The following CEP97 variants were observed in gnomAD, a reference collection of about 807,000 sequenced individuals.
The protein encoded by CEP97 is centrosomal protein 97.
Under a neutral mutation model 73.1 loss-of-function variants are expected in CEP97, and 43 were observed. That is an observed-to-expected ratio of 0.59 (90% CI 0.46 to 0.76). The LOEUF (loss-of-function observed/expected upper bound fraction) is 0.76, where lower values mean the gene tolerates loss of function less well. Ranked by LOEUF, CEP97 falls within the 30% of genes least tolerant of loss-of-function variation. CEP97 has a pLI of 0.00. For synonymous variants in CEP97, 337 were observed against 370.0 expected (o/e 0.91, Z 1.02); for missense variants, 939 against 1,014.0 (o/e 0.93, Z 1.00).
At position 101,767,806 on chromosome 3, in the gene CEP97, C is replaced by T. The variant is rs1329796468; in HGVS notation, c.*2255C>T. Reference sequence around the variant, plus strand: ...GTGCAAGAATATTAAATAGCCCCTTCCTTAACTGTACATATTATCTTGAAT... The same window carrying T: ...GTGCAAGAATATTAAATAGCCCCTTTCTTAACTGTACATATTATCTTGAAT... On this transcript the variant is annotated 3_prime_UTR_variant, in exon 11 of 11. Coordinates refer to ENST00000341893, the MANE Select transcript of CEP97 (RefSeq NM_024548.4). The T allele has an allele frequency of 6.6e-6, 1 of 152,136 alleles. No individual in the cohort carries two copies. The highest frequency in any genetic ancestry group is 1.5e-5 in the Non-Finnish European group (1 of 68,028). The allele number at this position is 152,136 out of a possible 1,614,324, so 9.4% of individuals were successfully genotyped here.
rs1011815341 is a variant in CEP97, at chr3:101,766,167, A to G, written c.*616A>G. On this transcript the variant is annotated 3_prime_UTR_variant, in exon 11 of 11. Transcript: ENST00000341893. ...GGATGATTAAATTGTCTCATGGAAA[A>G]CTTCAGTTAATGTCATGCATCAGTT... 6.6e-6 allele frequency: 1 copy of G among 152,214 alleles called. No homozygotes were observed. The highest frequency in any genetic ancestry group is 6.5e-5 in the Admixed American group (1 of 15,284). 9.4% of individuals were successfully genotyped at this position (152,214 alleles called of 1,614,324 possible).
chr3:101,729,396 G>A (rs1938021099), intron 4 of CEP97, among the ~76,000 whole-genome samples: 1 of 151,654 alleles, frequency 6.6e-6, no homozygotes, highest in Non-Finnish European at 1.5e-5. Flanking sequence ...ACTTTTTGTT[G>A]TTAGTTATAT....
intron 3 of CEP97, among the ~76,000 whole-genome samples, chr3:101,728,062 G>A (rs1937957908): frequency 6.6e-6 from 1 of 152,090 alleles, no homozygotes; most frequent in African/African-American, 2.4e-5. Context: ...CAATCTCATG[G>A]TAGCCTGCGA....
At position 101,767,706 on chromosome 3, in the gene CEP97, A is replaced by G. The variant is rs1939352703; in HGVS notation, c.*2155A>G. 1 of 152,226 alleles carries G rather than the reference A, an allele frequency of 6.6e-6. No individual in the cohort carries two copies. Among genetic ancestry groups the G allele is most frequent in the Admixed American group, 6.5e-5 (1 of 15,274 alleles). The allele number at this position is 152,226 out of a possible 1,614,324, so 9.4% of individuals were successfully genotyped here. A position where few individuals can be genotyped will look rare whatever the true frequency, so the allele number is the denominator to read the frequency against. The stretch of plus-strand genomic sequence containing the variant: ...AGTACTCAGCATACTTTCATTAAAA[A>G]TTTGGCACAATATGATAATTGTTAA... On this transcript the variant is annotated 3_prime_UTR_variant, in exon 11 of 11. Coordinates refer to ENST00000341893, the MANE Select transcript of CEP97 (RefSeq NM_024548.4).
intron 6 of CEP97, among the ~76,000 whole-genome samples, chr3:101,752,682 G>T (rs978175542): frequency 6.6e-6 from 1 of 151,956 alleles, no homozygotes; most frequent in Admixed American, 6.6e-5. Context: ...CCAGTTGATC[G>T]CATCGGCTCC....
At position 101,766,804 on chromosome 3, in the gene CEP97, A is replaced by G. The variant is rs1162862280; in HGVS notation, c.*1253A>G. ...CTATTTAAAACTATGGCAATACTTA[A>G]GCATCTCTAAATTTAGGTGCTAAAT... On this transcript the variant is annotated 3_prime_UTR_variant, in exon 11 of 11. Transcript: ENST00000341893. 1 of 152,232 alleles carries G rather than the reference A, an allele frequency of 6.6e-6. No homozygotes were observed. The highest frequency in any genetic ancestry group is 2.4e-5 in the African/African-American group (1 of 41,460). 9.4% of individuals were successfully genotyped at this position (152,232 alleles called of 1,614,324 possible).
chr3:101,756,921 G>A (rs1422593587), intron 7 of CEP97, 142 bp from the exon 8 acceptor site: 23 of 711,332 alleles, frequency 3.2e-5, no homozygotes, highest in Middle Eastern at 3.5e-4. Flanking sequence ...TTTCAAATGA[G>A]GATTTATAAT....
Position 101,724,657 on chromosome 3 carries a change from A to G in CEP97, c.-20A>G. On this transcript the variant is annotated 5_prime_UTR_variant, in exon 1 of 11. Transcript: ENST00000341893. ...AGCCGCGGGAGGACGGTTGCCTGGT[A>G]TTATTAGCAAGCAGCAAATATGGCG... 2 of 1,614,120 alleles carry G rather than the reference A, an allele frequency of 1.2e-6. No individual in the cohort carries two copies. Among genetic ancestry groups the G allele is most frequent in the Non-Finnish European group, 1.7e-6 (2 of 1,179,954 alleles).
At chr3:101,756,699 GTTTC>G (rs1939015127) in intron 7 of CEP97, among the ~76,000 whole-genome samples, 1 of 152,092 alleles carries the variant, frequency 6.6e-6, no homozygotes, top group Non-Finnish European at 1.5e-5. Context: ...TAATGTAGGT[GTTTC>G]TTGTGGGTTT....
intron 1 of CEP97, among the ~76,000 whole-genome samples, chr3:101,725,991 A>T (rs1667535136): frequency 6.6e-6 from 1 of 152,144 alleles, no homozygotes; most frequent in South Asian, 2.1e-4. Flanking sequence ...AATTTGCCTA[A>T]TATACCACAA....
chr3:101,749,799 A>G (rs1162299421), intron 6 of CEP97, among the ~76,000 whole-genome samples: 5 of 139,434 alleles, frequency 3.6e-5, no homozygotes, highest in Non-Finnish European at 6.2e-5. Context: ...TCTTCTTTTG[A>G]GAAGTGTCTG....
At chr3:101,727,294 G>T in intron 2 of CEP97, 89 bp from the exon 3 acceptor site, 3 of 1,044,356 alleles carry the variant, frequency 2.9e-6, no homozygotes, top group Non-Finnish European at 4.2e-6. Context: ...AGAGTGTTTG[G>T]CTGTCTAAAT....
chr3:101,742,383 C>T (rs1279483324), intron 6 of CEP97, among the ~76,000 whole-genome samples: 12 of 152,168 alleles, frequency 7.9e-5, no homozygotes, highest in Admixed American at 7.9e-4. Context: ...GGCACATATA[C>T]ACCATGGAAT....
At chr3:101,758,652 G>A (rs895228055) in intron 9 of CEP97, 3 of 526,586 alleles carry the variant, frequency 5.7e-6, no homozygotes, top group African/African-American at 3.8e-5. Flanking sequence ...TAGATGCAGT[G>A]TAGTAATAAA....
In CEP97 at chr3:101,765,438, C is replaced by T; in HGVS notation, c.2485C>T (p.Gln829Ter). 1 of 1,614,014 alleles carries T rather than the reference C, an allele frequency of 6.2e-7. No individual in the cohort carries two copies. Among genetic ancestry groups the T allele is most frequent in the East Asian group, 2.2e-5 (1 of 44,874 alleles). The stretch of plus-strand genomic sequence containing the variant: ...GAGTCATGGCATATCTCCTCCTTTG[C>T]AAGGTGAAATTAGCCAGACACAAGA... ...DESHGISPPL[Q>*]GEISQTQENS... Residue 829 changes from glutamine to a stop codon, truncating the protein, a stop_gained, in exon 11 of 11, where the codon CAA becomes TAA. Coordinates refer to ENST00000341893, the MANE Select transcript of CEP97 (RefSeq NM_024548.4). LOFTEE classifies it high-confidence loss of function.
In CEP97 at chr3:101,756,012, T is replaced by G. The variant is rs949322971; in HGVS notation, c.893+418T>G. ...CCTCCTAAAGTGCTAGGATAATAGGTATGAGCTACTACACCAGGAAACGGG... is the reference window on the plus strand; with the variant it reads ...CCTCCTAAAGTGCTAGGATAATAGGGATGAGCTACTACACCAGGAAACGGG... On this transcript the variant is annotated intron_variant, in intron 7 of 10. Coordinates refer to ENST00000341893, the MANE Select transcript of CEP97 (RefSeq NM_024548.4). 3.3e-5 allele frequency among the ~76,000 whole-genome samples: 5 copies of G among 151,880 alleles called. No homozygotes were observed. The South Asian group carries it at 6.2e-4, about 19-fold the overall frequency.
chr3:101,733,274 T>TA (rs1938170398), intron 6 of CEP97, among the ~76,000 whole-genome samples: 1 of 152,232 alleles, frequency 6.6e-6, no homozygotes, highest in African/African-American at 2.4e-5. Context: ...TTATAGATCC[T>TA]GTGTAGGATC....
Position 101,758,330 on chromosome 3 carries a change from G to A in CEP97, c.1724G>A (p.Arg575Lys). The A allele has an allele frequency of 6.2e-7, 1 of 1,614,206 alleles. No homozygotes were observed. The highest frequency in any genetic ancestry group is 8.5e-7 in the Non-Finnish European group (1 of 1,180,052). The part of the protein sequence containing the change: ...LQACWRGFYA[R>K]NYNPQAKDVR... Reference sequence around the variant, plus strand: ...GCCTGTTGGCGGGGATTTTATGCCAGGAACTACAACCCTCAAGCCAAAGAT... The same window carrying A: ...GCCTGTTGGCGGGGATTTTATGCCAAGAACTACAACCCTCAAGCCAAAGAT... The change falls in exon 9 of 11, where the codon AGG becomes AAG. Residue 575 changes from arginine to lysine, a missense_variant. By Grantham distance (26) the Arg-to-Lys change is conservative (BLOSUM62 2). Coordinates refer to ENST00000341893, the MANE Select transcript of CEP97 (RefSeq NM_024548.4).
Position 101,757,111 on chromosome 3 carries a change from T to C in CEP97, c.942T>C (p.Ser314=). ...ACCAAAGCCAAAATGAAGAGTTGTC[T>C]CCTCTTGTTCCTGTTGAAACAAGGG... ...LMNQSQNEEL[S]PLVPVETRAS... The change falls in exon 8 of 11, where the codon TCT becomes TCC. Residue 314 remains serine, a synonymous_variant. Transcript: ENST00000341893. 6.2e-7 allele frequency: 1 copy of C among 1,612,932 alleles called. No homozygotes were observed. Among genetic ancestry groups the C allele is most frequent in the Non-Finnish European group, 8.5e-7 (1 of 1,179,526 alleles).
Sources: allele counts gnomAD v4.1 joint callset (sites outside exome capture counted in the v4.1 genomes callset), GRCh38; gene constraint gnomAD v4.1.1; transcripts MANE v1.5; gene names NCBI Gene and HGNC (gene_info 2026-07-23, HGNC 2026-07-21).